OGFOD1: variants seen among roughly 807,000 people sequenced by gnomAD.
OGFOD1 encodes 2-oxoglutarate and iron dependent oxygenase domain containing 1, also known as prolyl 3-hydroxylase OGFOD1.
OGFOD1 carries 54 observed loss-of-function variants against 67.7 expected under a neutral mutation model. The observed-to-expected ratio is 0.80, with a 90% CI of 0.64 to 1.00. OGFOD1 has a LOEUF of 1.00. Ranked by LOEUF, OGFOD1 falls within the 50% of genes least tolerant of loss-of-function variation. OGFOD1 has a pLI of 0.00. For missense variants in OGFOD1, 606 were observed against 646.7 expected (o/e 0.94, Z 0.68); for synonymous variants, 221 against 227.0 (o/e 0.97, Z 0.24).
rs149561184 is a variant in OGFOD1 at position 56,451,649 on chromosome 16, C to A, written c.37C>A (p.Arg13=). The change falls in exon 1 of 13, where the codon CGG becomes AGG. Residue 13 remains arginine (R), a synonymous_variant. Coordinates refer to ENST00000566157, the MANE Select transcript of OGFOD1 (RefSeq NM_018233.4). ...GCGGCCAGCGGAGCCCGGCCCAGCC[C>A]GGGTGGGAAAAAAGGGAAAGAAGGA... is the stretch of plus-strand genomic sequence containing the variant. ...GKRPAEPGPA[R]VGKKGKKEVM... 1.5e-5 allele frequency: 25 copies of A among 1,613,710 alleles called. 1 individual carries two copies. In the South Asian group the frequency reaches 2.6e-4, roughly 17 times the overall value.
intron 3 of OGFOD1, among the ~76,000 whole-genome samples, chr16:56,461,497 G>A (rs919350382): frequency 6.6e-6 from 1 of 152,102 alleles, no homozygotes; most frequent in South Asian, 2.1e-4. Flanking sequence ...TCTGAGTTCC[G>A]TGAGCTATTC....
chr16:56,467,267 C>G lies in OGFOD1; in HGVS notation c.760C>G (p.Pro254Ala). ...TCCCAACTACTTTGAACCCCCCATACCTCGGAGCCCTCACATCCCACAAGA... is the reference window on the plus strand; with the variant it reads ...TCCCAACTACTTTGAACCCCCCATAGCTCGGAGCCCTCACATCCCACAAGA... ...RPPNYFEPPIPRSPHIPQDHE... is the reference protein window; with the variant it reads ...RPPNYFEPPIARSPHIPQDHE... The change falls in exon 7 of 13, where the codon CCT becomes GCT. Residue 254 changes from proline to alanine, a missense_variant. Physicochemically the swap from Pro to Ala is conservative, Grantham distance 27. Coordinates refer to ENST00000566157, the MANE Select transcript of OGFOD1 (RefSeq NM_018233.4). 9 of 1,614,132 alleles carry G rather than the reference C, an allele frequency of 5.6e-6. No individual in the cohort carries two copies. The highest frequency in any genetic ancestry group is 1.1e-5 in the South Asian group (1 of 91,068).
At chr16:56,460,964 A>T (rs1232263987) in intron 3 of OGFOD1, among the ~76,000 whole-genome samples, 1 of 152,182 alleles carries the variant, frequency 6.6e-6, no homozygotes, top group East Asian at 1.9e-4. Context: ...TAGCTGGTAA[A>T]TGGAAACGTT....
At chr16:56,456,195 T>TC (rs1962516891) in intron 2 of OGFOD1, among the ~76,000 whole-genome samples, 1 of 152,214 alleles carries the variant, frequency 6.6e-6, no homozygotes, top group South Asian at 2.1e-4. Context: ...GACTTTTTTT[T>TC]CACTTTACTT....
chr16:56,462,103 AAAG>A (rs1207640890), intron 3 of OGFOD1, among the ~76,000 whole-genome samples: 10 of 151,962 alleles, frequency 6.6e-5, no homozygotes, highest in Non-Finnish European at 1.5e-4. Context: ...AAAAAAAAAA[AAAG>A]AAAGAAAAGA....
Position 56,474,876 on chromosome 16 carries a change from G to A in OGFOD1, c.1334G>A (p.Gly445Asp). ...CQGELRHWKT[G>D]HYTLIHDHSK... ...GGGGAACTGAGGCATTGGAAGACCG[G>A]TCACTACACTTTAATTCATGACCAT... The change falls in exon 11 of 13, where the codon GGT (glycine) becomes GAT (aspartate). Residue 445 changes from glycine to aspartate, a missense_variant. Physicochemically the swap from Gly to Asp is moderately conservative, Grantham distance 94. Coordinates refer to ENST00000566157, the MANE Select transcript of OGFOD1 (RefSeq NM_018233.4). 1 of 1,613,540 alleles carries A rather than the reference G, an allele frequency of 6.2e-7. No individual in the cohort carries two copies.
chr16:56,464,171 G>A (rs1962818680), intron 4 of OGFOD1, among the ~76,000 whole-genome samples: 1 of 152,088 alleles, frequency 6.6e-6, no homozygotes, highest in Admixed American at 6.5e-5. Flanking sequence ...ATTGTCTGAT[G>A]TTTTCTCATG....
intron 2 of OGFOD1, chr16:56,454,842 G>T: frequency 7.2e-6 from 3 of 414,184 alleles, no homozygotes; most frequent in South Asian, 5.3e-5. Flanking sequence ...TTATACACAT[G>T]ACTGAATTAA....
chr16:56,456,679 T>G (rs1230354259), intron 2 of OGFOD1, among the ~76,000 whole-genome samples: 1 of 152,246 alleles, frequency 6.6e-6, no homozygotes, highest in East Asian at 1.9e-4. Context: ...ACTATACCTT[T>G]TCTATATTTA....
chr16:56,467,129 C>A, intron 6 of OGFOD1, 36 bp from the exon 7 acceptor site: 1 of 1,613,608 alleles, frequency 6.2e-7, no homozygotes, highest in East Asian at 2.2e-5. Flanking sequence ...TCCCCCTATT[C>A]TTCGTGTTGA....
Position 56,476,179 on chromosome 16 carries a change from GACTTT to G in OGFOD1, c.1604_1608del (p.Asp535ValfsTer6). 6.2e-7 allele frequency: 1 copy of G among 1,612,212 alleles called. No homozygotes were observed. On this transcript the variant is annotated frameshift_variant, in exon 13 of 13. Transcript: ENST00000566157. LOFTEE classifies it high-confidence loss of function. ...CTTCCCAAACAGAACAGGTTTCTGG[GACTTT>G]TCATTCATCTATTATGAATGACAGC... is the stretch of plus-strand genomic sequence containing the variant.
In OGFOD1 at chr16:56,475,956, T is replaced by C. The variant is rs1963451944; in HGVS notation, c.1468-88T>C. 4 of 1,217,500 alleles carry C rather than the reference T, an allele frequency of 3.3e-6. No homozygotes were observed. In the South Asian group the frequency reaches 5.9e-5, roughly 18 times the overall value. The allele number at this position is 1,217,500 out of a possible 1,614,324, so 75.4% of individuals were successfully genotyped here. A position where few individuals can be genotyped will look rare whatever the true frequency, so the allele number is the denominator to read the frequency against. Reference sequence around the variant, plus strand: ...CTCTATCCCCAGATTAAGTGCTTGATATGGAAACCATCTGTTCCATGGTTA... The same window carrying C: ...CTCTATCCCCAGATTAAGTGCTTGACATGGAAACCATCTGTTCCATGGTTA... On this transcript the variant is annotated intron_variant, in intron 12 of 12. Transcript: ENST00000566157.
intron 10 of OGFOD1, 72 bp downstream of exon 10, chr16:56,470,863 A>G (rs1963139334): frequency 1.4e-6 from 2 of 1,400,418 alleles, no homozygotes; most frequent in Non-Finnish European, 1.9e-6. Context: ...TCATTCAACA[A>G]ACATTTATTG....
At chr16:56,461,644 A>G (rs1387032867) in intron 3 of OGFOD1, among the ~76,000 whole-genome samples, 2 of 152,214 alleles carry the variant, frequency 1.3e-5, no homozygotes, top group African/African-American at 4.8e-5. Context: ...CACTGGGGGC[A>G]GTCTCATGGG....
At chr16:56,464,718 C>CT (rs1187910439) in intron 4 of OGFOD1, among the ~76,000 whole-genome samples, 27 of 149,764 alleles carry the variant, frequency 1.8e-4, no homozygotes, top group Non-Finnish European at 2.4e-4. Flanking sequence ...CCCCATCATT[C>CT]TTTTTTTTTT....
chr16:56,475,492 T>G lies in OGFOD1; in HGVS notation c.1409-15T>G. ...ATAGGAGCTTTCTGAATGCTGTTTG[T>G]TTTTCTCTTGTAAGGCTGGGAGCCA... On this transcript the variant is annotated splice_polypyrimidine_tract_variant and intron_variant, in intron 11 of 12. Transcript: ENST00000566157. 6.2e-7 allele frequency: 1 copy of G among 1,613,358 alleles called. No individual in the cohort carries two copies. Among genetic ancestry groups the G allele is most frequent in the Non-Finnish European group, 8.5e-7 (1 of 1,179,312 alleles).
Position 56,458,585 on chromosome 16 carries a change from C to G in OGFOD1, c.338C>G (p.Ser113Cys), listed in dbSNP as rs773266802. 4 of 1,613,196 alleles carry G rather than the reference C, an allele frequency of 2.5e-6. No homozygotes were observed. In the South Asian group the frequency reaches 4.4e-5, roughly 18 times the overall value. ...AAGAAGAGAAGAGAGCCTCACATCTCCACTTTAAGGTAAACAAGTAATCAT... is the reference window on the plus strand; with the variant it reads ...AAGAAGAGAAGAGAGCCTCACATCTGCACTTTAAGGTAAACAAGTAATCAT... ...DLKKRREPHI[S>C]TLRKILFEDF... Residue 113 changes from serine to cysteine, a missense_variant, in exon 3 of 13, where the codon TCC (serine) becomes TGC (cysteine). Physicochemically the swap from Ser to Cys is moderately radical, Grantham distance 112. Transcript: ENST00000566157.
chr16:56,460,152 C>T (rs1467630891), intron 3 of OGFOD1, among the ~76,000 whole-genome samples: 1 of 152,136 alleles, frequency 6.6e-6, no homozygotes, highest in African/African-American at 2.4e-5. Flanking sequence ...TGAATTAAGG[C>T]ATTATCCCCT....
chr16:56,453,474 T>C, intron 2 of OGFOD1, 66 bp downstream of exon 2: 1 of 1,530,846 alleles, frequency 6.5e-7, no homozygotes, highest in South Asian at 1.2e-5. Flanking sequence ...AGTCATTGAA[T>C]ACCTTTAGAC....
Sources: gnomAD v4.1 joint callset for allele counts (sites outside exome capture counted in the v4.1 genomes callset) on GRCh38, gnomAD v4.1.1 for gene constraint, MANE v1.5 for transcripts, NCBI Gene and HGNC (gene_info 2026-07-23, HGNC 2026-07-21) for gene names.